The following MTCL3 variants were observed in gnomAD, a reference collection of about 807,000 sequenced individuals.
MTCL3 encodes the protein microtubule cross-linking factor 3.
the MTCL3 span, chr6:127,476,056 T>G: frequency 1.2e-6 from 2 of 1,613,162 alleles, no homozygotes; most frequent in Non-Finnish European, 1.7e-6. This position sits in a 1 kb window ranked among gnomAD's most constrained non-coding sequence, Gnocchi z 4.4. Context: ...CCGCAGCAGC[T>G]CCGTCTCGTC....
At chr6:127,494,457 G>C in the MTCL3 span, among the ~76,000 whole-genome samples, 1 of 152,158 alleles carries the variant, frequency 6.6e-6, no homozygotes, top group Non-Finnish European at 1.5e-5. Context: ...AACTGTAACA[G>C]TTGAGGCCTA....
the MTCL3 span, among the ~76,000 whole-genome samples, chr6:127,484,385 T>C: frequency 3.3e-5 from 5 of 152,278 alleles, no homozygotes; most frequent in African/African-American, 1.2e-4. Flanking sequence ...GTTGCTTGTA[T>C]AATCTTCTTA....
the MTCL3 span, chr6:127,476,064 G>A: frequency 6.2e-7 from 1 of 1,613,416 alleles, no homozygotes; most frequent in South Asian, 1.1e-5. This position sits in a 1 kb window ranked among gnomAD's most constrained non-coding sequence, Gnocchi z 4.4. Flanking sequence ...GCTCCGTCTC[G>A]TCTTCCACCA....
At chr6:127,500,682 TCA>T in the MTCL3 span, among the ~76,000 whole-genome samples, 3 of 152,194 alleles carry the variant, frequency 2.0e-5, no homozygotes, top group Non-Finnish European at 4.4e-5. Context: ...CTCCCACCTT[TCA>T]CCTTCCCACA....
At chr6:127,494,470 A>G in the MTCL3 span, among the ~76,000 whole-genome samples, 6 of 152,330 alleles carry the variant, frequency 3.9e-5, no homozygotes, top group East Asian at 9.7e-4. Flanking sequence ...GAGGCCTACA[A>G]GATCCTTGTG....
chr6:127,494,722 T>A, the MTCL3 span, among the ~76,000 whole-genome samples: 1 of 152,182 alleles, frequency 6.6e-6, no homozygotes, highest in Admixed American at 6.5e-5. Flanking sequence ...TTAGAGGGTC[T>A]GTCAAACTGC....
the MTCL3 span, among the ~76,000 whole-genome samples, chr6:127,488,320 T>C: frequency 7.9e-5 from 12 of 152,182 alleles, no homozygotes; most frequent in Non-Finnish European, 1.5e-4. Flanking sequence ...TTCCTTGTCT[T>C]CCTAATTCTG....
the MTCL3 span, among the ~76,000 whole-genome samples, chr6:127,477,537 G>A: frequency 6.6e-6 from 1 of 152,020 alleles, no homozygotes; most frequent in African/African-American, 2.4e-5. Context: ...CCAGTACTCG[G>A]TCATCTGTGT....
the MTCL3 span, among the ~76,000 whole-genome samples, chr6:127,483,919 A>G: frequency 1.3e-5 from 2 of 152,224 alleles, no homozygotes; most frequent in Admixed American, 1.3e-4. Flanking sequence ...GGGAGGAGAC[A>G]GAGAAGCAAA....
chr6:127,487,254 G>A, the MTCL3 span, among the ~76,000 whole-genome samples: 4 of 152,194 alleles, frequency 2.6e-5, no homozygotes, highest in African/African-American at 9.7e-5. Flanking sequence ...AATTTAGATA[G>A]CAGGCTTATA....
At chr6:127,498,080 C>T in the MTCL3 span, among the ~76,000 whole-genome samples, 1 of 152,060 alleles carries the variant, frequency 6.6e-6, no homozygotes, top group South Asian at 2.1e-4. Flanking sequence ...AGTGATGAAA[C>T]AAAAGAATAC....
chr6:127,515,961 TGGA>T, the MTCL3 span: 1 of 1,604,066 alleles, frequency 6.2e-7, no homozygotes, highest in East Asian at 2.2e-5. This position sits in a 1 kb window ranked among gnomAD's most constrained non-coding sequence, Gnocchi z 4.3. Flanking sequence ...AAGAGGAGGA[TGGA>T]GAAGGGGAGG....
the MTCL3 span, among the ~76,000 whole-genome samples, chr6:127,518,256 C>A: frequency 5.9e-5 from 9 of 152,220 alleles, no homozygotes; most frequent in African/African-American, 1.9e-4. Context: ...ATTGCCAATG[C>A]AAACTTATTT....
the MTCL3 span, among the ~76,000 whole-genome samples, chr6:127,485,784 A>C: frequency 6.6e-6 from 1 of 152,230 alleles, no homozygotes; most frequent in African/African-American, 2.4e-5. Context: ...TAGCAAAAAC[A>C]GTGGGCAGAA....
chr6:127,511,813 A>G, the MTCL3 span, among the ~76,000 whole-genome samples: 1 of 152,228 alleles, frequency 6.6e-6, no homozygotes, highest in African/African-American at 2.4e-5. Flanking sequence ...GTATTCTTCA[A>G]AGTCCTAAGA....
chr6:127,492,036 C>G, the MTCL3 span, among the ~76,000 whole-genome samples: 1 of 152,166 alleles, frequency 6.6e-6, no homozygotes, highest in East Asian at 1.9e-4. Flanking sequence ...TGCTCACTCT[C>G]TCTTGGAAAT....
the MTCL3 span, among the ~76,000 whole-genome samples, chr6:127,483,675 T>C: frequency 6.6e-6 from 1 of 152,190 alleles, no homozygotes; most frequent in Admixed American, 6.6e-5. Context: ...AAATTCAAAC[T>C]AACACTTTGG....
At chr6:127,491,409 A>G in the MTCL3 span, among the ~76,000 whole-genome samples, 5 of 152,332 alleles carry the variant, frequency 3.3e-5, no homozygotes, top group South Asian at 4.1e-4. Flanking sequence ...TCCAGGGAAG[A>G]CCCGCCATCC....
At chr6:127,513,160 A>G in the MTCL3 span, 1 of 991,600 alleles carries the variant, frequency 1.0e-6, no homozygotes, top group Non-Finnish European at 1.4e-6. Context: ...GGTGTTTACC[A>G]TGTGCCAGGC....
Sources: gnomAD v4.1 joint callset for allele counts (sites outside exome capture counted in the v4.1 genomes callset) on GRCh38, gnomAD v4.1.1 for gene constraint, Gnocchi (gnomAD v3.1) non-coding constraint, MANE v1.5 for transcripts, NCBI Gene and HGNC (gene_info 2026-07-23, HGNC 2026-07-21) for gene names.